Variants in REXO1 observed in about 807,000 individuals in gnomAD.
REXO1 encodes the protein RNA exonuclease 1 homolog.
REXO1 carries 42 observed loss-of-function variants against 102.6 expected under a neutral mutation model. The observed-to-expected ratio is 0.41, with a 90% CI of 0.32 to 0.53. REXO1 has a LOEUF of 0.53. REXO1 is among the 20% of genes least tolerant of loss of function. REXO1 has a pLI of 0.27. For missense variants in REXO1, 1,819 were observed against 1,732.5 expected (o/e 1.05, Z -0.89); for synonymous variants, 908 against 779.1 (o/e 1.17, Z -2.76).
In REXO1 at chr19:1,843,799, G is replaced by A. The variant is rs188520641; in HGVS notation, c.157+4403C>T. Among the ~76,000 whole-genome samples the A allele has an allele frequency of 2.3e-3, 343 of 152,332 alleles. 1 individual carries two copies. Among genetic ancestry groups the A allele is most frequent in the Non-Finnish European group, 2.8e-3 (190 of 68,030 alleles). On this transcript the variant is annotated intron_variant, in intron 1 of 15. Transcript: ENST00000170168. ...CTGAAGGTGACACAGGTGGTCAGAC[G>A]GTGCCTTCACTGCCCCACGGAAAGC...
Position 1,828,642 on chromosome 19 carries a change from CAG to C in REXO1, c.158-13_158-12del, listed in dbSNP as rs1466047144. ...GGTCGTAACCCAGCCCTGAAGGGAA[CAG>C]AGAGCACAGCTGTGACCAGCCTGCC... On this transcript the variant is annotated splice_polypyrimidine_tract_variant and intron_variant, in intron 1 of 15. Transcript: ENST00000170168. 1.4e-5 allele frequency: 22 copies of C among 1,590,658 alleles called. No individual in the cohort carries two copies. Among genetic ancestry groups the C allele is most frequent in the Non-Finnish European group, 1.9e-5 (22 of 1,174,354 alleles).
intron 1 of REXO1, among the ~76,000 whole-genome samples, chr19:1,841,935 G>C (rs1166544337): frequency 1.3e-5 from 2 of 152,178 alleles, no homozygotes; most frequent in East Asian, 3.9e-4. Flanking sequence ...AACAGGCCCA[G>C]CACAGTGGCT....
chr19:1,833,629 G>A (rs575719998), intron 1 of REXO1, among the ~76,000 whole-genome samples: 21 of 152,296 alleles, frequency 1.4e-4, no homozygotes, highest in African/African-American at 4.3e-4. Flanking sequence ...GGAGGGCTGC[G>A]GAGGCCAGCA....
Position 1,828,369 on chromosome 19 carries a change from C to A in REXO1, c.420G>T (p.Pro140=), listed in dbSNP as rs149516468. 2 of 1,609,044 alleles carry A rather than the reference C, an allele frequency of 1.2e-6. No homozygotes were observed. Among genetic ancestry groups the A allele is most frequent in the Non-Finnish European group, 1.7e-6 (2 of 1,178,080 alleles). The change falls in exon 2 of 16, where the codon CCG becomes CCT. Residue 140 remains proline, a synonymous_variant. Transcript: ENST00000170168. ...RGPNASPTVG[P]DEDAFPLAFD... is the part of the protein sequence containing the mutation. ...AGGCCAGTGGGAAGGCATCCTCGTC[C>A]GGGCCCACAGTGGGGCTGGCGTTGG...
At chr19:1,824,430 G>A (rs1018070595) in intron 3 of REXO1, 1 of 152,278 alleles carries the variant, frequency 6.6e-6, no homozygotes, top group Non-Finnish European at 1.5e-5. Flanking sequence ...TGGAACTCGG[G>A]CAGCGTCAAA....
intron 1 of REXO1, among the ~76,000 whole-genome samples, 161 bp downstream of exon 1, chr19:1,848,041 G>T (rs762151200): frequency 9.2e-5 from 14 of 152,220 alleles, no homozygotes; most frequent in Non-Finnish European, 1.6e-4. Flanking sequence ...TTTGCACCGG[G>T]TCCCAGGGTG....
chr19:1,824,047 G>A (rs1035220779), intron 3 of REXO1: 4 of 377,138 alleles, frequency 1.1e-5, no homozygotes, highest in South Asian at 1.4e-4. Context: ...ACGGGTGGGC[G>A]GGACTACCCC....
rs1477386037 is a variant in REXO1, at chr19:1,826,871, G to A, written c.1911+7C>T. The A allele has an allele frequency of 2.4e-5, 38 of 1,568,032 alleles. No homozygotes were observed. Among genetic ancestry groups the A allele is most frequent in the South Asian group, 4.7e-5 (4 of 85,714 alleles). Reference sequence around the variant, plus strand: ...CCGAGCCCAGCCCCAGCACCCGCGCGCCTCACCTGCCGGGCCAGCCGGCCT... The same window carrying A: ...CCGAGCCCAGCCCCAGCACCCGCGCACCTCACCTGCCGGGCCAGCCGGCCT... On this transcript the variant is annotated splice_region_variant and intron_variant, in intron 2 of 15. Transcript: ENST00000170168. The surrounding 1 kb of genome is among the most constrained non-coding windows in gnomAD (Gnocchi z 4.3).
intron 11 of REXO1, 121 bp downstream of exon 11, chr19:1,817,586 G>T: frequency 1.4e-6 from 2 of 1,437,318 alleles, no homozygotes; most frequent in African/African-American, 1.4e-5. Flanking sequence ...CACAAGAAAG[G>T]CTGCCCGGGG....
At chr19:1,832,714 C>T (rs1259745414) in intron 1 of REXO1, among the ~76,000 whole-genome samples, 1 of 151,820 alleles carries the variant, frequency 6.6e-6, no homozygotes, top group Non-Finnish European at 1.5e-5. Flanking sequence ...CTCAGGAGTT[C>T]AAGACCATCC....
intron 1 of REXO1, among the ~76,000 whole-genome samples, chr19:1,846,463 T>C (rs746653209): frequency 2.0e-5 from 3 of 152,130 alleles, no homozygotes; most frequent in Non-Finnish European, 2.9e-5. Flanking sequence ...AGACACGCCA[T>C]GGTAAGAGGC....
At chr19:1,821,058 G>A (rs1310758813) in intron 5 of REXO1, among the ~76,000 whole-genome samples, 2 of 147,512 alleles carry the variant, frequency 1.4e-5, no homozygotes, top group African/African-American at 2.5e-5. Context: ...AAAAAACACC[G>A]CCAGGGCGGT....
Position 1,846,260 on chromosome 19 carries a change from C to T in REXO1, c.157+1942G>A, listed in dbSNP as rs142366038. On this transcript the variant is annotated intron_variant, in intron 1 of 15. Coordinates refer to ENST00000170168, the MANE Select transcript of REXO1 (RefSeq NM_020695.4). ...TGTGGACATGGGACATGCATCCCCC[C>T]CTGTCCTCAGAGGGCAGCCTGATGA... Among the ~76,000 whole-genome samples, 9 of 152,298 alleles carry T rather than the reference C, an allele frequency of 5.9e-5. No individual in the cohort carries two copies. In the East Asian group the frequency reaches 1.5e-3, roughly 26 times the overall value.
Position 1,827,886 on chromosome 19 carries a change from G to A in REXO1, c.903C>T (p.Pro301=), listed in dbSNP as rs960589320. 7 of 1,613,582 alleles carry A rather than the reference G, an allele frequency of 4.3e-6. No individual in the cohort carries two copies. In the Admixed American group the frequency reaches 8.3e-5, roughly 19 times the overall value. ...DEAATVPGNE[P]TTASTPKARA... is the part of the protein sequence containing the mutation. ...TGGCTTTGGGGGTGCTGGCCGTGGT[G>A]GGCTCGTTACCTGGGACCGTGGCGG... The change falls in exon 2 of 16, where the codon CCC becomes CCT. Residue 301 remains proline (P), a synonymous_variant. Transcript: ENST00000170168.
chr19:1,821,072 G>A (rs1219567487), intron 5 of REXO1, among the ~76,000 whole-genome samples: 1 of 151,922 alleles, frequency 6.6e-6, no homozygotes, highest in Non-Finnish European at 1.5e-5. Flanking sequence ...GGGCGGTCGG[G>A]CATGGTGGCT....
chr19:1,829,550 T>G (rs2069846881), intron 1 of REXO1, among the ~76,000 whole-genome samples: 2 of 152,236 alleles, frequency 1.3e-5, no homozygotes, highest in African/African-American at 2.4e-5. Context: ...GGCGCACGCC[T>G]GTAATCCCAA....
intron 3 of REXO1, among the ~76,000 whole-genome samples, chr19:1,824,769 T>C (rs2069657775): frequency 7.1e-6 from 1 of 140,138 alleles, no homozygotes; most frequent in African/African-American, 2.7e-5. Flanking sequence ...CAGAAGTTTA[T>C]GAATGGATAA....
chr19:1,841,619 C>T (rs1476289034), intron 1 of REXO1, among the ~76,000 whole-genome samples: 1 of 152,220 alleles, frequency 6.6e-6, no homozygotes, highest in Non-Finnish European at 1.5e-5. Context: ...CGCCTTCATT[C>T]CGGGGTACGG....
At chr19:1,821,445 C>T (rs926142156) in intron 5 of REXO1, 74 bp downstream of exon 5, 60 of 1,584,758 alleles carry the variant, frequency 3.8e-5, no homozygotes, top group East Asian at 2.0e-4. Flanking sequence ...GCTGGCCCTC[C>T]GCAGGTCCCA....
Sources: allele counts gnomAD v4.1 joint callset (sites outside exome capture counted in the v4.1 genomes callset), GRCh38; gene constraint gnomAD v4.1.1; non-coding constraint Gnocchi (gnomAD v3.1); transcripts MANE v1.5; gene names NCBI Gene and HGNC (gene_info 2026-07-23, HGNC 2026-07-21).